MACROD2: variants seen among roughly 807,000 people sequenced by gnomAD.
The protein encoded by MACROD2 is mono-ADP ribosylhydrolase 2.
In MACROD2, 36 loss-of-function variants were observed where a neutral mutation model predicts 70.4. The observed-to-expected ratio is 0.51, with a 90% CI of 0.39 to 0.68. MACROD2 has a LOEUF of 0.68. Among genes scored for constraint, MACROD2 ranks in the 30% least tolerant of loss-of-function variants. The pLI is 0.00. For synonymous variants in MACROD2, 172 were observed against 178.8 expected (o/e 0.96, Z 0.30); for missense variants, 496 against 538.4 (o/e 0.92, Z 0.78).
chr20:15,693,622 A>C (rs2050325892), intron 8 of MACROD2, among the ~76,000 whole-genome samples: 2 of 152,190 alleles, frequency 1.3e-5, no homozygotes, highest in Non-Finnish European at 2.9e-5. Context: ...ACTGAGACCC[A>C]GTTGTTAAAA....
chr20:15,839,741 C>T (rs1365592591), intron 8 of MACROD2, among the ~76,000 whole-genome samples: 2 of 152,108 alleles, frequency 1.3e-5, no homozygotes, highest in African/African-American at 4.8e-5. Context: ...AATAACAACA[C>T]AAACATATAT....
At chr20:16,017,612 T>G (rs1294218049) in intron 15 of MACROD2, among the ~76,000 whole-genome samples, 1 of 152,212 alleles carries the variant, frequency 6.6e-6, no homozygotes, top group Non-Finnish European at 1.5e-5. Context: ...CAATGGTCTC[T>G]TTTCACCTCC....
intron 5 of MACROD2, among the ~76,000 whole-genome samples, chr20:15,032,492 G>C (rs2075283543): frequency 6.6e-6 from 1 of 152,186 alleles, no homozygotes; most frequent in South Asian, 2.1e-4. Flanking sequence ...GATTCACGGA[G>C]CTGAGAGCCA....
chr20:14,155,689 T>C (rs2055092713), intron 3 of MACROD2, among the ~76,000 whole-genome samples: 1 of 152,166 alleles, frequency 6.6e-6, no homozygotes, highest in African/African-American at 2.4e-5. Flanking sequence ...TACTATGTTT[T>C]ATTAGTTTTT....
intron 3 of MACROD2, among the ~76,000 whole-genome samples, chr20:14,348,815 A>T (rs2083090710): frequency 6.6e-6 from 1 of 152,102 alleles, no homozygotes; most frequent in Non-Finnish European, 1.5e-5. Flanking sequence ...TGTTTCAATT[A>T]ACAGCACTTT....
chr20:15,366,811 T>C (rs1003838478), intron 6 of MACROD2, among the ~76,000 whole-genome samples: 53 of 151,750 alleles, frequency 3.5e-4, no homozygotes, highest in African/African-American at 1.3e-3. Context: ...TCCTCCAGCC[T>C]CCACCTCCCA....
At chr20:14,729,634 T>C (rs931818769) in intron 5 of MACROD2, among the ~76,000 whole-genome samples, 5 of 152,104 alleles carry the variant, frequency 3.3e-5, no homozygotes, top group Non-Finnish European at 5.9e-5. Flanking sequence ...ATGCGACTTA[T>C]TTGCTCAAAA....
At chr20:14,744,177 A>G (rs941576967) in intron 5 of MACROD2, among the ~76,000 whole-genome samples, 1 of 152,188 alleles carries the variant, frequency 6.6e-6, no homozygotes, top group Non-Finnish European at 1.5e-5. Flanking sequence ...GAATACACTA[A>G]TAGAGACACA....
At chr20:15,894,146 TGAAAA>T (rs1352213391) in intron 10 of MACROD2, 3 of 360,684 alleles carry the variant, frequency 8.3e-6, no homozygotes, top group African/African-American at 2.1e-5. Flanking sequence ...AGGTCTCACT[TGAAAA>T]GAACTCTTGA....
intron 3 of MACROD2, among the ~76,000 whole-genome samples, chr20:14,403,724 T>G (rs2083662420): frequency 6.6e-6 from 1 of 152,140 alleles, no homozygotes; most frequent in African/African-American, 2.4e-5. Flanking sequence ...AAATGAGAAT[T>G]TAGTTTACAG....
intron 3 of MACROD2, among the ~76,000 whole-genome samples, chr20:14,465,070 G>A (rs550174889): frequency 5.1e-4 from 78 of 152,130 alleles, no homozygotes; most frequent in Admixed American, 2.8e-3. Flanking sequence ...GCAGAGCTGA[G>A]TTCCATTCCT....
intron 3 of MACROD2, among the ~76,000 whole-genome samples, chr20:14,419,596 C>T (rs1172543794): frequency 1.3e-5 from 2 of 151,940 alleles, no homozygotes; most frequent in South Asian, 2.1e-4. Flanking sequence ...TTTAGACCTA[C>T]CTTTATTGTA....
At chr20:14,698,409 G>A (rs1183165510) in intron 5 of MACROD2, among the ~76,000 whole-genome samples, 1 of 152,096 alleles carries the variant, frequency 6.6e-6, no homozygotes, top group Non-Finnish European at 1.5e-5. Flanking sequence ...GCTCTCATGA[G>A]TTAATGTCTG....
chr20:14,027,521 C>T (rs1303021699), intron 2 of MACROD2, among the ~76,000 whole-genome samples: 1 of 152,080 alleles, frequency 6.6e-6, no homozygotes, highest in African/African-American at 2.4e-5. Flanking sequence ...GAGTTGTGAT[C>T]CTTGGGAGGA....
chr20:14,207,533 A>G (rs1389644669), intron 3 of MACROD2, among the ~76,000 whole-genome samples: 1 of 151,386 alleles, frequency 6.6e-6, no homozygotes, highest in South Asian at 2.1e-4. Flanking sequence ...ATACTTTGGC[A>G]CGTCAGTATC....
At chr20:14,950,867 G>C (rs555166099) in intron 5 of MACROD2, among the ~76,000 whole-genome samples, 1 of 152,098 alleles carries the variant, frequency 6.6e-6, no homozygotes, top group African/African-American at 2.4e-5. Flanking sequence ...CTTAGGAGTC[G>C]TTAAAAGGCT....
intron 12 of MACROD2, among the ~76,000 whole-genome samples, chr20:15,959,289 T>C (rs2066024719): frequency 6.6e-6 from 1 of 152,206 alleles, no homozygotes; most frequent in Admixed American, 6.5e-5. Context: ...ATACCAGATG[T>C]CCCCTGATTT....
intron 5 of MACROD2, among the ~76,000 whole-genome samples, chr20:14,792,830 G>A (rs1472560606): frequency 6.6e-6 from 1 of 151,992 alleles, no homozygotes; most frequent in Non-Finnish European, 1.5e-5. Flanking sequence ...TTATTAGAAT[G>A]GTGCGGTCAC....
At position 15,916,157 on chromosome 20, in the gene MACROD2, C is replaced by A. The variant is rs537968541; in HGVS notation, c.776-17119C>A. ...CTGCTTAGCTGGAAGTCCTCATATA[C>A]CCCCTACCCCACCACCCACCTTCCC... is the stretch of plus-strand genomic sequence containing the variant. On this transcript the variant is annotated intron_variant, in intron 10 of 17. Transcript: ENST00000684519. Among the ~76,000 whole-genome samples the A allele has an allele frequency of 2.2e-4, 34 of 152,186 alleles. No homozygotes were observed. The East Asian group carries it at 4.8e-3, about 22-fold the overall frequency.
Sources: allele counts gnomAD v4.1 joint callset (sites outside exome capture counted in the v4.1 genomes callset), GRCh38; gene constraint gnomAD v4.1.1; transcripts MANE v1.5; gene names NCBI Gene and HGNC (gene_info 2026-07-23, HGNC 2026-07-21).